Variants in NBEA observed in about 807,000 individuals in gnomAD.
NBEA encodes neurobeachin, also known as lysosomal-trafficking regulator 2.
In NBEA, 44 loss-of-function variants were observed where a neutral mutation model predicts 343.4. That is an observed-to-expected ratio of 0.13 (90% CI 0.10 to 0.16). The LOEUF (loss-of-function observed/expected upper bound fraction) is 0.16. Ranked by LOEUF, NBEA falls within the 10% of genes least tolerant of loss-of-function variation. The pLI is 1.00. For synonymous variants in NBEA, 1,175 were observed against 1,238.7 expected, an observed-to-expected ratio of 0.95 and a Z score of 1.08; for missense variants, 2,555 against 3,631.3, an observed-to-expected ratio of 0.70 and a Z score of 7.62.
At chr13:35,292,312 A>G (rs2035854016) in intron 35 of NBEA, among the ~76,000 whole-genome samples, 1 of 152,136 alleles carries the variant, frequency 6.6e-6, no homozygotes, top group African/African-American at 2.4e-5. Flanking sequence ...CCATTTTTCT[A>G]TACTACTTAA....
intron 36 of NBEA, among the ~76,000 whole-genome samples, chr13:35,330,903 G>A (rs1162113976): frequency 2.0e-5 from 3 of 151,962 alleles, no homozygotes; most frequent in Non-Finnish European, 4.4e-5. Context: ...TTATGCCTCA[G>A]TGTTCAGATC....
intron 43 of NBEA, among the ~76,000 whole-genome samples, chr13:35,552,908 T>A (rs1309182103): frequency 6.6e-6 from 1 of 152,122 alleles, no homozygotes; most frequent in Non-Finnish European, 1.5e-5. Context: ...TTTTTTTCTT[T>A]GAGACAAGGT....
chr13:35,460,336 G>T (rs528248212), intron 40 of NBEA, among the ~76,000 whole-genome samples: 1 of 152,238 alleles, frequency 6.6e-6, no homozygotes, highest in South Asian at 2.1e-4. Flanking sequence ...TTTGAATGAG[G>T]AAGTTGCTTT....
intron 1 of NBEA, among the ~76,000 whole-genome samples, chr13:35,039,513 A>G (rs75942725): frequency 6.6e-6 from 1 of 152,168 alleles, no homozygotes; most frequent in African/African-American, 2.4e-5. Flanking sequence ...GCATGAAGAC[A>G]GAATTCTTGT....
At chr13:35,113,644 C>A (rs74051263) in intron 13 of NBEA, among the ~76,000 whole-genome samples, 4,213 of 143,482 alleles carry the variant, frequency 0.029, 85 homozygotes, top group South Asian at 0.08. Context: ...TGTCTATCAT[C>A]TTTTATATCA....
At chr13:35,227,713 T>C (rs983415773) in intron 33 of NBEA, among the ~76,000 whole-genome samples, 4 of 152,050 alleles carry the variant, frequency 2.6e-5, no homozygotes, top group African/African-American at 4.8e-5. Context: ...ATTTGTGACA[T>C]TGTGCTAAGT....
chr13:35,654,988 C>A lies in NBEA; in HGVS notation c.8169C>A (p.Phe2723Leu). 6.4e-7 allele frequency: 1 copy of A among 1,552,774 alleles called. No homozygotes were observed. Among genetic ancestry groups the A allele is most frequent in the Non-Finnish European group, 8.6e-7 (1 of 1,156,558 alleles). Residue 2723 changes from phenylalanine (F) to leucine (L), a missense_variant, in exon 54 of 59, where the codon TTC becomes TTA. By Grantham distance (22) the Phe-to-Leu change is conservative. Transcript: ENST00000379939. ...ILICGFWDKSFRVYSTETGKL... is the reference protein window; with the variant it reads ...ILICGFWDKSLRVYSTETGKL... ...TCTGTGGATTCTGGGATAAGAGCTT[C>A]AGAGTTTATTCTACAGAAACAGGTA... is the stretch of plus-strand genomic sequence containing the variant.
At chr13:35,066,511 C>T (rs1164964739) in intron 8 of NBEA, among the ~76,000 whole-genome samples, 1 of 152,030 alleles carries the variant, frequency 6.6e-6, no homozygotes, top group Non-Finnish European at 1.5e-5. Context: ...GCTATATCCT[C>T]CTGATAATTG....
In NBEA at chr13:35,595,112, A is replaced by T. The variant is rs1265452118; in HGVS notation, c.7296+1665A>T. On this transcript the variant is annotated intron_variant, in intron 47 of 58. Transcript: ENST00000379939. ...CCTGAGAATTTCACTGATGCTTTAT[A>T]CCACCAGTCTCTGATAACCGATGCC... is the stretch of plus-strand genomic sequence containing the variant. Among the ~76,000 whole-genome samples, 3 of 152,092 alleles carry T rather than the reference A, an allele frequency of 2.0e-5. No homozygotes were observed. The East Asian group carries it at 5.8e-4, about 29-fold the overall frequency.
chr13:35,291,797 T>G (rs1191377547), intron 35 of NBEA, among the ~76,000 whole-genome samples: 1 of 151,906 alleles, frequency 6.6e-6, no homozygotes, highest in African/African-American at 2.4e-5. Context: ...CAGGAATTCC[T>G]GCCATTAAGG....
chr13:35,419,620 C>A (rs970517650), intron 38 of NBEA, among the ~76,000 whole-genome samples: 3 of 151,998 alleles, frequency 2.0e-5, no homozygotes, highest in Admixed American at 1.3e-4. Context: ...ATTTTGTAGA[C>A]CATTTCAGGA....
At chr13:35,063,873 T>C (rs974885343) in intron 8 of NBEA, among the ~76,000 whole-genome samples, 2 of 151,958 alleles carry the variant, frequency 1.3e-5, no homozygotes, top group African/African-American at 4.8e-5. Context: ...GGATTTTCTG[T>C]CACTGTGAAC....
chr13:35,112,442 T>A (rs1444536601), intron 13 of NBEA, among the ~76,000 whole-genome samples: 1 of 152,176 alleles, frequency 6.6e-6, no homozygotes, highest in Non-Finnish European at 1.5e-5. Flanking sequence ...ACTTTGTTTT[T>A]GATATTATCC....
chr13:35,209,564 C>A (rs1048584251), intron 32 of NBEA, among the ~76,000 whole-genome samples: 1 of 151,850 alleles, frequency 6.6e-6, no homozygotes, highest in Admixed American at 6.6e-5. Flanking sequence ...AAATCCTTAC[C>A]CAAATCTTTG....
At chr13:35,644,693 T>C (rs967854580) in intron 49 of NBEA, among the ~76,000 whole-genome samples, 5 of 152,226 alleles carry the variant, frequency 3.3e-5, no homozygotes, top group African/African-American at 1.2e-4. Flanking sequence ...AGGGCAGCGT[T>C]AACAATAAAA....
intron 47 of NBEA, among the ~76,000 whole-genome samples, chr13:35,600,954 A>T (rs776557795): frequency 5.3e-4 from 81 of 152,142 alleles, no homozygotes; most frequent in Non-Finnish European, 9.3e-4. Flanking sequence ...AGGTGGACAG[A>T]TCACTTGAGA....
At chr13:35,267,657 CA>C (rs144075829) in intron 34 of NBEA, among the ~76,000 whole-genome samples, 2 of 149,522 alleles carry the variant, frequency 1.3e-5, no homozygotes, top group Non-Finnish European at 3.0e-5. Context: ...AACTCAACCA[CA>C]AAAAAAAACT....
At chr13:35,513,161 G>A (rs867985882) in intron 41 of NBEA, among the ~76,000 whole-genome samples, 2 of 149,138 alleles carry the variant, frequency 1.3e-5, no homozygotes, top group South Asian at 2.1e-4. Flanking sequence ...TTTTAAGATG[G>A]AGTCTTGCTC....
chr13:35,331,026 A>G (rs1211252887), intron 36 of NBEA, among the ~76,000 whole-genome samples: 3 of 152,070 alleles, frequency 2.0e-5, no homozygotes, highest in East Asian at 3.9e-4. Context: ...TAGATTATGA[A>G]CATGAAGAAT....
Sources: allele counts gnomAD v4.1 joint callset (sites outside exome capture counted in the v4.1 genomes callset), GRCh38; gene constraint gnomAD v4.1.1; transcripts MANE v1.5; gene names NCBI Gene and HGNC (gene_info 2026-07-23, HGNC 2026-07-21).